Variants in MORN1 observed in about 807,000 individuals in gnomAD.
The protein encoded by MORN1 is MORN repeat-containing protein 1.
In MORN1, 67 loss-of-function variants were observed where a neutral mutation model predicts 61.9. The ratio of observed to expected loss-of-function variants is 1.08; its 90% CI spans 0.89 to 1.33. The LOEUF is 1.33. MORN1 is among the 40% of genes most tolerant of loss of function. The pLI is 0.00. For missense variants in MORN1, 752 were observed against 691.2 expected, an observed-to-expected ratio of 1.09 and a Z score of -0.99; for synonymous variants, 301 against 292.0, an observed-to-expected ratio of 1.03 and a Z score of -0.31.
At chr1:2,380,702 G>A (rs1209056750) in intron 6 of MORN1, among the ~76,000 whole-genome samples, 5 of 152,004 alleles carry the variant, frequency 3.3e-5, no homozygotes, top group African/African-American at 1.2e-4. Context: ...GTACCACCAT[G>A]CTTAGCTAAT....
chr1:2,324,169 C>A, intron 12 of MORN1, 26 bp from the exon 13 acceptor site: 1 of 1,584,514 alleles, frequency 6.3e-7, no homozygotes, highest in Non-Finnish European at 8.6e-7. Context: ...AGTGAGGCCC[C>A]TGAATGCCCT....
At position 2,321,290 on chromosome 1, in the gene MORN1, C is replaced by A; in HGVS notation, c.*93G>T. 1.0e-6 allele frequency: 1 copy of A among 996,670 alleles called. No individual in the cohort carries two copies. Among genetic ancestry groups the A allele is most frequent in the Non-Finnish European group, 1.4e-6 (1 of 707,398 alleles). 61.7% of individuals were successfully genotyped at this position (996,670 alleles called of 1,614,324 possible). On this transcript the variant is annotated 3_prime_UTR_variant, in exon 14 of 14. Transcript: ENST00000378531. ...AGCATTTTATTCAAGCCAGCAACCA[C>A]GGGGCTCTGGAGAATCGGGGAGCAG... is the stretch of plus-strand genomic sequence containing the variant.
In MORN1 at chr1:2,354,874, A is replaced by T. The variant is rs1324077835; in HGVS notation, c.1036+2558T>A. ...AGGCAGAGCTCGGCACCCAACTCCAAATGTCTGTGGTTCAAGCCCCAGCGG... is the reference window on the plus strand; with the variant it reads ...AGGCAGAGCTCGGCACCCAACTCCATATGTCTGTGGTTCAAGCCCCAGCGG... On this transcript the variant is annotated intron_variant, in intron 10 of 13. Transcript: ENST00000378531. Among the ~76,000 whole-genome samples, 5 of 152,276 alleles carry T rather than the reference A, an allele frequency of 3.3e-5. No homozygotes were observed. In the East Asian group the frequency reaches 7.7e-4, roughly 24 times the overall value.
At chr1:2,388,488 A>T (rs74461882) in intron 2 of MORN1, 151 bp from the exon 3 acceptor site, 1 of 592,150 alleles carries the variant, frequency 1.7e-6, no homozygotes. Context: ...GTATTTAAAA[A>T]TAAAAAAATG....
chr1:2,343,863 C>A (rs765113980), intron 10 of MORN1, among the ~76,000 whole-genome samples: 24 of 152,192 alleles, frequency 1.6e-4, no homozygotes, highest in Non-Finnish European at 2.4e-4. Context: ...TCCACGGCCC[C>A]ATTCTTCCGG....
chr1:2,336,540 G>A lies in MORN1; in HGVS notation c.1179C>T (p.Gly393=), dbSNP rs116755607. 1.4e-4 allele frequency: 230 copies of A among 1,612,654 alleles called. 1 individual carries two copies. The highest frequency in any genetic ancestry group is 3.2e-4 in the African/African-American group (24 of 75,040). The change falls in exon 12 of 14, where the codon GGC becomes GGT. Residue 393 remains glycine (G), a synonymous_variant. Transcript: ENST00000378531. ...LFLDSLHKKA[G]GRSRGGLHPR... ...GGTGCAGGCCGCCTCTGGATCTGCC[G>A]CCTGCCTTCTAGAAAGATTGGGCAG... is the stretch of plus-strand genomic sequence containing the variant.
chr1:2,342,872 T>TTTTATTTTATTTTATTTTATTTTATTTTA (rs1641430023), intron 10 of MORN1, among the ~76,000 whole-genome samples: 31 of 85,690 alleles, frequency 3.6e-4, no homozygotes, highest in African/African-American at 4.9e-4. Flanking sequence ...ATTTTATTTA[T>TTTTATTTTATTTTATTTTATTTTATTTTA]TTTATTTTAT....
chr1:2,387,749 T>C, intron 3 of MORN1: 2 of 564,082 alleles, frequency 3.5e-6, no homozygotes, highest in Non-Finnish European at 6.4e-6. Context: ...GCAGACACTC[T>C]CTTTGGGCAT....
At chr1:2,332,622 C>G (rs575554885) in intron 12 of MORN1, 15 of 456,502 alleles carry the variant, frequency 3.3e-5, no homozygotes, top group Middle Eastern at 3.3e-4. Flanking sequence ...GAGGGCGCGA[C>G]GTGGCGTCTG....
At chr1:2,335,361 ACACT>A (rs1487763501) in intron 12 of MORN1, among the ~76,000 whole-genome samples, 1 of 152,116 alleles carries the variant, frequency 6.6e-6, no homozygotes, top group African/African-American at 2.4e-5. Context: ...ACTCACACTC[ACACT>A]CACGTCCGCT....
At chr1:2,322,123 C>A (rs1487372058) in intron 13 of MORN1, 7 of 985,298 alleles carry the variant, frequency 7.1e-6, no homozygotes, top group Non-Finnish European at 8.4e-6. Context: ...GGAGGGCGGC[C>A]CTGCTGGGGG....
At chr1:2,336,421 C>A in intron 12 of MORN1, 48 bp downstream of exon 12, 1 of 1,578,628 alleles carries the variant, frequency 6.3e-7, no homozygotes. Flanking sequence ...GATGAGGAGG[C>A]CACAGCTGAC....
rs1642079009 is a variant in MORN1 at position 2,369,960 on chromosome 1, TTTG to T, written c.745+2518_745+2520del. ...TCCATCAACATTCCAGCAGCCTTCT[TTTG>T]TTGTTGTTGCAGAAGTTGGCAAACT... On this transcript the variant is annotated intron_variant, in intron 8 of 13. Coordinates refer to ENST00000378531, the MANE Select transcript of MORN1 (RefSeq NM_024848.3). 2.0e-5 allele frequency among the ~76,000 whole-genome samples: 3 copies of T among 152,312 alleles called. No individual in the cohort carries two copies. The South Asian group carries it at 6.2e-4, about 32-fold the overall frequency.
intron 8 of MORN1, among the ~76,000 whole-genome samples, chr1:2,360,835 C>CA (rs1277225944): frequency 2.0e-5 from 3 of 152,206 alleles, no homozygotes; most frequent in African/African-American, 4.8e-5. Flanking sequence ...TGGAAAAACT[C>CA]AGAGGTCACA....
chr1:2,385,214 C>T (rs1298075301), intron 5 of MORN1, 149 bp from the exon 6 acceptor site: 12 of 762,290 alleles, frequency 1.6e-5, no homozygotes, highest in Admixed American at 2.7e-5. Flanking sequence ...GCTCCTGCCT[C>T]GCCAGGGCCA....
chr1:2,369,560 C>T (rs1047615710), intron 8 of MORN1, among the ~76,000 whole-genome samples: 6 of 151,836 alleles, frequency 4.0e-5, no homozygotes, highest in African/African-American at 1.5e-4. Flanking sequence ...CTCTAAGAAA[C>T]TAGTAGAACT....
At chr1:2,322,184 C>G (rs1400251626) in intron 13 of MORN1, 1 of 985,280 alleles carries the variant, frequency 1.0e-6, no homozygotes, top group Non-Finnish European at 1.2e-6. Context: ...TGTAAACTGT[C>G]TGGAGAGCTT....
At chr1:2,385,556 G>GC (rs1003622139) in intron 5 of MORN1, 2 of 348,056 alleles carry the variant, frequency 5.7e-6, no homozygotes, top group Non-Finnish European at 1.1e-5. Flanking sequence ...AATCGGGGGG[G>GC]GGGGGGATGT....
intron 7 of MORN1, 52 bp downstream of exon 7, chr1:2,374,409 A>G: frequency 1.3e-6 from 2 of 1,497,906 alleles, no homozygotes; most frequent in Non-Finnish European, 1.8e-6. Context: ...GGGGCCAGGG[A>G]CACACCCCAC....
Sources: allele counts gnomAD v4.1 joint callset (sites outside exome capture counted in the v4.1 genomes callset), GRCh38; gene constraint gnomAD v4.1.1; transcripts MANE v1.5; gene names NCBI Gene and HGNC (gene_info 2026-07-23, HGNC 2026-07-21).